MTG1: variants seen among roughly 807,000 people sequenced by gnomAD.
MTG1 encodes the protein mitochondrial ribosome-associated GTPase 1.
Under a neutral mutation model 39.5 loss-of-function variants are expected in MTG1, and 30 were observed. That is an observed-to-expected ratio of 0.76 (90% CI 0.57 to 1.03). The LOEUF is 1.03. MTG1 is among the 50% of genes least tolerant of loss of function. The pLI is 0.00. For synonymous variants in MTG1, 217 were observed against 179.0 expected, an observed-to-expected ratio of 1.21 and a Z score of -1.69; for missense variants, 513 against 447.4, an observed-to-expected ratio of 1.15 and a Z score of -1.32.
intron 3 of MTG1, 68 bp downstream of exon 3, chr10:133,396,335 G>A (rs879154606): frequency 4.4e-6 from 6 of 1,372,878 alleles, no homozygotes; most frequent in African/African-American, 2.9e-5. Context: ...TTGTTCTAAC[G>A]GAAGAGTTGC....
chr10:133,412,029 A>G (rs1850054595), intron 9 of MTG1, among the ~76,000 whole-genome samples: 2 of 151,898 alleles, frequency 1.3e-5, no homozygotes, highest in South Asian at 4.2e-4. Context: ...GTGGTTTTGC[A>G]TTGAAGGATT....
At chr10:133,412,935 T>C (rs1850068314) in intron 9 of MTG1, among the ~76,000 whole-genome samples, 1 of 152,254 alleles carries the variant, frequency 6.6e-6, no homozygotes, top group African/African-American at 2.4e-5. Context: ...TTCTTCTTGC[T>C]GTTCAGTCAG....
At position 133,401,570 on chromosome 10, in the gene MTG1, G is replaced by C. The variant is rs759409872; in HGVS notation, c.553G>C (p.Ala185Pro). 6.2e-7 allele frequency: 1 copy of C among 1,611,068 alleles called. No individual in the cohort carries two copies. The highest frequency in any genetic ancestry group is 1.3e-5 in the African/African-American group (1 of 74,992). The change falls in exon 7 of 11, where the codon GCT (alanine) becomes CCT (proline). Residue 185 changes from alanine to proline, a missense_variant. Physicochemically the swap from Ala to Pro is conservative, Grantham distance 27 (BLOSUM62 -1). Coordinates refer to ENST00000317502, the MANE Select transcript of MTG1 (RefSeq NM_138384.4). ...RVGGEPGITRAVMSKIQVSER... is the reference protein window; with the variant it reads ...RVGGEPGITRPVMSKIQVSER... ...GGGTGGCGAGCCTGGGATCACCAGA[G>C]CTGTGATGTCCAAAATTCAGGTGGA...
chr10:133,406,575 CA>C (rs1280726316), intron 9 of MTG1, among the ~76,000 whole-genome samples: 1 of 150,544 alleles, frequency 6.6e-6, no homozygotes, highest in Non-Finnish European at 1.5e-5. Flanking sequence ...AGGTCTTATA[CA>C]AAAAAAATCT....
chr10:133,414,950 G>A (rs1314261333), intron 9 of MTG1, among the ~76,000 whole-genome samples: 1 of 152,252 alleles, frequency 6.6e-6, no homozygotes, highest in Non-Finnish European at 1.5e-5. Flanking sequence ...GATCACTTGT[G>A]GTTAGGAGCT....
intron 1 of MTG1, among the ~76,000 whole-genome samples, chr10:133,395,327 G>A (rs1589906963): frequency 6.6e-6 from 1 of 152,182 alleles, no homozygotes; most frequent in Non-Finnish European, 1.5e-5. Context: ...CCTGGCAGGC[G>A]GAGGTTGCAG....
chr10:133,395,118 C>T (rs1292476640), intron 1 of MTG1, among the ~76,000 whole-genome samples: 6 of 152,098 alleles, frequency 3.9e-5, no homozygotes, highest in Non-Finnish European at 7.4e-5. Context: ...TGGAAGGGCC[C>T]GGCCCGGTGG....
intron 9 of MTG1, among the ~76,000 whole-genome samples, chr10:133,405,858 G>A (rs915984506): frequency 1.2e-4 from 19 of 152,230 alleles, no homozygotes; most frequent in African/African-American, 4.6e-4. Context: ...CCCAGTAGTG[G>A]GATTGCTGGA....
rs1035870805 is a variant in MTG1, at chr10:133,416,863, CAT to C, written c.753-2616_753-2615del. 3.2e-4 allele frequency among the ~76,000 whole-genome samples: 48 copies of C among 151,834 alleles called. 1 individual carries two copies. The highest frequency in any genetic ancestry group is 1.0e-3 in the African/African-American group (42 of 41,354). ...ATTGTGAATAATGCCGCAATAAACACATGTGTGCATGTGTCTTTATAGCAGCA... is the reference window on the plus strand; with the variant it reads ...ATTGTGAATAATGCCGCAATAAACACGTGTGCATGTGTCTTTATAGCAGCA... On this transcript the variant is annotated intron_variant, in intron 9 of 10. Coordinates refer to ENST00000317502, the MANE Select transcript of MTG1 (RefSeq NM_138384.4).
chr10:133,415,195 G>GAGGGAA (rs1850105672), intron 9 of MTG1, among the ~76,000 whole-genome samples: 1 of 151,970 alleles, frequency 6.6e-6, no homozygotes, highest in African/African-American at 2.4e-5. Flanking sequence ...GGGAGAGGGA[G>GAGGGAA]CGGAGCGGGA....
At position 133,404,484 on chromosome 10, in the gene MTG1, A is replaced by G. The variant is rs1849940655; in HGVS notation, c.752+1711A>G. Among the ~76,000 whole-genome samples, 5 of 17,612 alleles carry G rather than the reference A, an allele frequency of 2.8e-4. No homozygotes were observed. The South Asian group carries it at 0.024, about 83-fold the overall frequency. 11.6% of individuals were successfully genotyped at this position (17,612 alleles called of 152,430 possible). ...GTCCTTAATCAGAGATACGGTTTGTAAATACTTTAAGTCTGTGCCTTGTCT... is the reference window on the plus strand; with the variant it reads ...GTCCTTAATCAGAGATACGGTTTGTGAATACTTTAAGTCTGTGCCTTGTCT... On this transcript the variant is annotated intron_variant, in intron 9 of 10. Coordinates refer to ENST00000317502, the MANE Select transcript of MTG1 (RefSeq NM_138384.4).
intron 3 of MTG1, 132 bp from the exon 4 acceptor site, chr10:133,398,303 G>A: frequency 1.3e-6 from 1 of 786,558 alleles, no homozygotes; most frequent in Non-Finnish European, 2.0e-6. Flanking sequence ...GGGAGGCTGA[G>A]GCATGAGAAT....
intron 7 of MTG1, 112 bp downstream of exon 7, chr10:133,401,702 C>T (rs1003144336): frequency 9.9e-7 from 1 of 1,013,732 alleles, no homozygotes. Flanking sequence ...CTCCCCTCCA[C>T]TCAGTGTCCC....
At chr10:133,399,657 C>T in intron 6 of MTG1, 38 bp downstream of exon 6, 1 of 1,601,644 alleles carries the variant, frequency 6.2e-7, no homozygotes, top group Non-Finnish European at 8.6e-7. Context: ...AGGAAAGGTA[C>T]TGGCGCGTGT....
At chr10:133,394,414 C>T in intron 1 of MTG1, 82 bp downstream of exon 1, 21 of 1,347,998 alleles carry the variant, frequency 1.6e-5, no homozygotes, top group Non-Finnish European at 1.7e-5. Flanking sequence ...TCGGCCGTCG[C>T]CTGCTTCTCC....
At chr10:133,396,034 C>T (rs923440838) in intron 2 of MTG1, 129 bp from the exon 3 acceptor site, 3 of 908,998 alleles carry the variant, frequency 3.3e-6, no homozygotes, top group Non-Finnish European at 5.4e-6. Context: ...AATGTTCCTG[C>T]CAACTGGGGC....
intron 1 of MTG1, chr10:133,394,663 T>C: frequency 8.5e-7 from 1 of 1,170,872 alleles, no homozygotes; most frequent in East Asian, 4.5e-5. Context: ...CCCCGAAGCC[T>C]CCGTTTCCAC....
chr10:133,401,279 C>T, intron 6 of MTG1: 1 of 409,378 alleles, frequency 2.4e-6, no homozygotes, highest in South Asian at 4.1e-5. Context: ...TGGAAAGTGC[C>T]CTTGCTGTGA....
At chr10:133,405,322 A>G (rs142038727) in intron 9 of MTG1, among the ~76,000 whole-genome samples, 194 of 152,332 alleles carry the variant, frequency 1.3e-3, no homozygotes, top group African/African-American at 4.4e-3. Flanking sequence ...ATTTTGATGC[A>G]TTCATACAAT....
Sources: allele counts gnomAD v4.1 joint callset (sites outside exome capture counted in the v4.1 genomes callset), GRCh38; gene constraint gnomAD v4.1.1; transcripts MANE v1.5; gene names NCBI Gene and HGNC (gene_info 2026-07-23, HGNC 2026-07-21).